REEP5: variants seen among roughly 807,000 people sequenced by gnomAD.
REEP5 encodes the protein receptor accessory protein 5.
In REEP5, 24 loss-of-function variants were observed where a neutral mutation model predicts 22.4. That is an observed-to-expected ratio of 1.07 (90% CI 0.78 to 1.51). REEP5 has a LOEUF of 1.51. Among genes scored for constraint, REEP5 ranks in the 40% most tolerant of loss-of-function variants. REEP5 has a pLI of 0.00. For synonymous variants in REEP5, 103 were observed against 88.6 expected (o/e 1.16, Z -0.92); for missense variants, 252 against 233.0 (o/e 1.08, Z -0.53).
chr5:112,921,237 G>C lies in REEP5; in HGVS notation c.138C>G (p.Ala46=). 6.2e-7 allele frequency: 1 copy of C among 1,614,152 alleles called. No individual in the cohort carries two copies. The highest frequency in any genetic ancestry group is 1.1e-5 in the South Asian group (1 of 91,068). Residue 46 remains alanine (A), a synonymous_variant, in exon 2 of 5, where the codon GCC becomes GCG. Coordinates refer to ENST00000379638, the MANE Select transcript of REEP5 (RefSeq NM_005669.5). ...FIALGVIGLV[A]LYLVFGYGAS... Reference sequence around the variant, plus strand: ...CTCCATAACCGAACACCAGGTACAAGGCCACCAGTCCGATGACACCTGGGG... The same window carrying C: ...CTCCATAACCGAACACCAGGTACAACGCCACCAGTCCGATGACACCTGGGG...
intron 2 of REEP5, among the ~76,000 whole-genome samples, chr5:112,918,232 G>C (rs908209428): frequency 6.6e-6 from 1 of 152,156 alleles, no homozygotes; most frequent in Non-Finnish European, 1.5e-5. Flanking sequence ...GGGAAATTAT[G>C]CACACGGAAA....
chr5:112,879,777 C>T (rs1261069887), intron 4 of REEP5, among the ~76,000 whole-genome samples: 1 of 151,894 alleles, frequency 6.6e-6, no homozygotes, highest in Non-Finnish European at 1.5e-5. Context: ...TGCCCGGCCT[C>T]TTCCATATAC....
At chr5:112,909,411 C>G (rs1183189332) in intron 2 of REEP5, among the ~76,000 whole-genome samples, 2 of 151,178 alleles carry the variant, frequency 1.3e-5, no homozygotes, top group African/African-American at 2.4e-5. Flanking sequence ...TAAGAAGACT[C>G]TAGTTTCTTT....
intron 1 of REEP5, 37 bp downstream of exon 1, chr5:112,922,036 G>A (rs762801955): frequency 1.2e-5 from 19 of 1,570,048 alleles, no homozygotes; most frequent in Non-Finnish European, 1.2e-5. Context: ...GGCGGCTCCC[G>A]TGGCCCTACC....
At chr5:112,904,546 C>A (rs1768913882) in intron 2 of REEP5, among the ~76,000 whole-genome samples, 1 of 152,110 alleles carries the variant, frequency 6.6e-6, no homozygotes, top group East Asian at 1.9e-4. Context: ...GGGAATTAAA[C>A]AGTCTTTTCT....
At chr5:112,887,276 G>A (rs1768285192) in intron 3 of REEP5, 93 bp from the exon 4 acceptor site, 9 of 1,188,486 alleles carry the variant, frequency 7.6e-6, no homozygotes, top group Non-Finnish European at 9.9e-6. Context: ...GGGGATGGGA[G>A]ATGCCTCTGT....
chr5:112,906,222 G>C (rs1307326088), intron 2 of REEP5, among the ~76,000 whole-genome samples: 1 of 152,174 alleles, frequency 6.6e-6, no homozygotes, highest in Non-Finnish European at 1.5e-5. Flanking sequence ...TCCTGTATTT[G>C]AGCAGAAGAA....
At chr5:112,891,529 A>G in intron 3 of REEP5, 1 of 1,460,004 alleles carries the variant, frequency 6.8e-7, no homozygotes, top group Non-Finnish European at 9.3e-7. Flanking sequence ...ACAATACTAG[A>G]AAACATAAAA....
intron 3 of REEP5, chr5:112,892,619 G>A (rs753305048): frequency 1.2e-6 from 2 of 1,614,112 alleles, no homozygotes; most frequent in South Asian, 2.2e-5. Flanking sequence ...CAATGTCCAA[G>A]AGGAAAACAC....
chr5:112,909,693 T>C (rs1168739468), intron 2 of REEP5, among the ~76,000 whole-genome samples: 1 of 152,116 alleles, frequency 6.6e-6, no homozygotes, highest in African/African-American at 2.4e-5. Context: ...TCACTGGCCA[T>C]CCCTCATCCA....
At chr5:112,917,086 ATT>A (rs1269816727) in intron 2 of REEP5, among the ~76,000 whole-genome samples, 2 of 152,206 alleles carry the variant, frequency 1.3e-5, no homozygotes, top group African/African-American at 2.4e-5. Context: ...TGGGTATGAG[ATT>A]TCAAAAGTGT....
At chr5:112,889,883 G>A (rs1392679707) in intron 3 of REEP5, among the ~76,000 whole-genome samples, 2 of 147,010 alleles carry the variant, frequency 1.4e-5, no homozygotes, top group African/African-American at 5.2e-5. Context: ...CTGGAGTGCT[G>A]TGGCACAATA....
chr5:112,890,064 T>C (rs371071289), intron 3 of REEP5, among the ~76,000 whole-genome samples: 3 of 150,410 alleles, frequency 2.0e-5, no homozygotes, highest in African/African-American at 7.4e-5. Context: ...TGACCTCAAA[T>C]GATCCACCCC....
rs112661637 is a variant in REEP5, at chr5:112,911,538, A to T, written c.213-9020T>A. ...TTTTCAAATTATTTCAGACACAATAAATCCATCTGGAAAAACATCCACTTT... is the reference window on the plus strand; with the variant it reads ...TTTTCAAATTATTTCAGACACAATATATCCATCTGGAAAAACATCCACTTT... On this transcript the variant is annotated intron_variant, in intron 2 of 4. Transcript: ENST00000379638. Among the ~76,000 whole-genome samples, 339 of 152,332 alleles carry T rather than the reference A, an allele frequency of 2.2e-3. 2 individuals carry two copies. Among genetic ancestry groups the T allele is most frequent in the African/African-American group, 7.8e-3 (326 of 41,576 alleles).
intron 3 of REEP5, among the ~76,000 whole-genome samples, chr5:112,901,417 G>A (rs890148412): frequency 7.2e-5 from 11 of 152,080 alleles, no homozygotes; most frequent in African/African-American, 2.7e-4. Context: ...AAATTAGATG[G>A]TCAGATTGAG....
At chr5:112,919,381 C>CTACTAAAAA (rs1248028078) in intron 2 of REEP5, among the ~76,000 whole-genome samples, 1 of 151,252 alleles carries the variant, frequency 6.6e-6, no homozygotes, top group Non-Finnish European at 1.5e-5. Flanking sequence ...AACCGCATCT[C>CTACTAAAAA]TACTAAAAAT....
intron 4 of REEP5, among the ~76,000 whole-genome samples, chr5:112,882,225 T>C (rs1212501729): frequency 6.6e-6 from 1 of 152,148 alleles, no homozygotes; most frequent in Admixed American, 6.5e-5. Context: ...TTAGTACCAA[T>C]ACTGCAGTCC....
rs1327391635 is a variant in REEP5 at position 112,921,238 on chromosome 5, G to A, written c.137C>T (p.Ala46Val). ...FIALGVIGLV[A>V]LYLVFGYGAS... ...TCCATAACCGAACACCAGGTACAAGGCCACCAGTCCGATGACACCTGGGGA... is the reference window on the plus strand; with the variant it reads ...TCCATAACCGAACACCAGGTACAAGACCACCAGTCCGATGACACCTGGGGA... Residue 46 changes from alanine (A) to valine (V), a missense_variant, in exon 2 of 5, where the codon GCC (alanine) becomes GTC (valine). Ala to Val is a moderately conservative substitution (Grantham distance 64, BLOSUM62 0). Coordinates refer to ENST00000379638, the MANE Select transcript of REEP5 (RefSeq NM_005669.5). 1.2e-6 allele frequency: 2 copies of A among 1,614,150 alleles called. No individual in the cohort carries two copies.
intron 4 of REEP5, among the ~76,000 whole-genome samples, chr5:112,880,039 T>C (rs556711434): frequency 6.6e-5 from 10 of 152,196 alleles, no homozygotes; most frequent in Non-Finnish European, 1.2e-4. Context: ...TATACTCTTA[T>C]TGTGCCACCA....
Sources: gnomAD v4.1 joint callset for allele counts (sites outside exome capture counted in the v4.1 genomes callset) on GRCh38, gnomAD v4.1.1 for gene constraint, MANE v1.5 for transcripts, NCBI Gene and HGNC (gene_info 2026-07-23, HGNC 2026-07-21) for gene names.